Variants in NCOA7 observed in about 807,000 individuals in gnomAD.
NCOA7 encodes the protein 140 kDa estrogen receptor-associated protein.
A neutral mutation model predicts 104.3 loss-of-function variants in NCOA7; 45 were observed. That is an observed-to-expected ratio of 0.43 (90% CI 0.34 to 0.55). The LOEUF (loss-of-function observed/expected upper bound fraction) is 0.55, where lower values mean the gene tolerates loss of function less well. NCOA7 is among the 20% of genes least tolerant of loss of function. The pLI, the probability that NCOA7 is intolerant of heterozygous loss-of-function variation, is 0.02. For missense variants in NCOA7, 1,041 were observed against 1,119.7 expected, an observed-to-expected ratio of 0.93 and a Z score of 1.00; for synonymous variants, 398 against 402.3, an observed-to-expected ratio of 0.99 and a Z score of 0.13.
intron 2 of NCOA7, among the ~76,000 whole-genome samples, chr6:125,822,402 A>G (rs1237566093): frequency 1.3e-5 from 2 of 152,212 alleles, no homozygotes; most frequent in Admixed American, 1.3e-4. Context: ...TTATGAAGTA[A>G]TTTCACAAGC....
chr6:125,863,563 T>C (rs1170747317), intron 3 of NCOA7, among the ~76,000 whole-genome samples: 3 of 138,520 alleles, frequency 2.2e-5, no homozygotes, highest in African/African-American at 9.0e-5. Context: ...TCAGGGGTTT[T>C]AAGCTTTGAA....
In NCOA7 at chr6:125,870,122, G is replaced by A. The variant is rs116316516; in HGVS notation, c.272-4767G>A. 1.8e-3 allele frequency among the ~76,000 whole-genome samples: 273 copies of A among 152,088 alleles called. 1 individual carries two copies. The highest frequency in any genetic ancestry group is 5.2e-3 in the African/African-American group (217 of 41,486). On this transcript the variant is annotated intron_variant, in intron 3 of 15. Coordinates refer to ENST00000392477, the MANE Select transcript of NCOA7 (RefSeq NM_181782.5). ...TACTTCTTATGTGGCCTGTTACCCCGGTGTTGAGACCCCCACCCCAGAGTA... is the reference window on the plus strand; with the variant it reads ...TACTTCTTATGTGGCCTGTTACCCCAGTGTTGAGACCCCCACCCCAGAGTA...
In NCOA7 at chr6:125,889,811, G is replaced by A; in HGVS notation, c.1757G>A (p.Gly586Glu). ...KEPDKTWVKK[G>E]EPLPVKLNSS... The stretch of plus-strand genomic sequence containing the variant: ...CCAGATAAGACCTGGGTGAAAAAGG[G>A]AGAGCCCCTCCCGGTAAAACTGAAC... Residue 586 changes from glycine to glutamate, a missense_variant, in exon 9 of 16, where the codon GGA becomes GAA. Physicochemically the swap from Gly to Glu is moderately conservative, Grantham distance 98. This residue lies in a region of NCOA7 where 914 missense variants were observed against 942.7 expected (regional missense o/e 0.97). Coordinates refer to ENST00000392477, the MANE Select transcript of NCOA7 (RefSeq NM_181782.5). The A allele has an allele frequency of 6.2e-7, 1 of 1,613,048 alleles. No homozygotes were observed. Among genetic ancestry groups the A allele is most frequent in the Non-Finnish European group, 8.5e-7 (1 of 1,179,678 alleles).
At chr6:125,910,408 TCTCAA>T (rs1266948364) in intron 10 of NCOA7, among the ~76,000 whole-genome samples, 6 of 152,232 alleles carry the variant, frequency 3.9e-5, no homozygotes, top group African/African-American at 1.4e-4. Flanking sequence ...CATAGTTCAT[TCTCAA>T]CTCTATTTCA....
At chr6:125,867,999 A>G (rs1048442090) in intron 3 of NCOA7, among the ~76,000 whole-genome samples, 11 of 152,186 alleles carry the variant, frequency 7.2e-5, no homozygotes, top group Non-Finnish European at 1.6e-4. Flanking sequence ...TCCTATGAAG[A>G]AATTCCTTTT....
chr6:125,787,076 T>C (rs527816054), upstream of NCOA7, among the ~76,000 whole-genome samples: 1 of 150,784 alleles, frequency 6.6e-6, no homozygotes, highest in South Asian at 2.1e-4. Context: ...GAGCTGGGAG[T>C]TGGAGGTTGC....
chr6:125,800,018 C>T (rs900759026), intron 1 of NCOA7, among the ~76,000 whole-genome samples: 8 of 152,180 alleles, frequency 5.3e-5, no homozygotes, highest in African/African-American at 1.7e-4. Flanking sequence ...TCATTTCTAA[C>T]ATCTGAAACT....
At chr6:125,925,285 T>C (rs982156367) in intron 13 of NCOA7, among the ~76,000 whole-genome samples, 1 of 152,166 alleles carries the variant, frequency 6.6e-6, no homozygotes, top group Non-Finnish European at 1.5e-5. Flanking sequence ...AGAATTTTGG[T>C]GTTAAGAAGA....
At chr6:125,923,689 T>C (rs2128699674) in intron 13 of NCOA7, among the ~76,000 whole-genome samples, 2 of 152,374 alleles carry the variant, frequency 1.3e-5, no homozygotes, top group East Asian at 3.9e-4. Context: ...CATTCATTCA[T>C]TTATTCATCC....
chr6:125,816,510 C>T (rs1777604221), intron 2 of NCOA7, among the ~76,000 whole-genome samples: 1 of 152,076 alleles, frequency 6.6e-6, no homozygotes, highest in African/African-American at 2.4e-5. Flanking sequence ...TTTGGGGAAG[C>T]ACAAGTTAAA....
intron 3 of NCOA7, among the ~76,000 whole-genome samples, chr6:125,864,911 T>A (rs1782321899): frequency 7.2e-6 from 1 of 138,396 alleles, no homozygotes. Context: ...GCACAATTAT[T>A]GTCCTTGATC....
chr6:125,902,362 A>G (rs1214080949), intron 10 of NCOA7, among the ~76,000 whole-genome samples: 1 of 152,306 alleles, frequency 6.6e-6, no homozygotes, highest in East Asian at 1.9e-4. Flanking sequence ...TCATTTTGGA[A>G]GCTCAGAGAG....
intron 6 of NCOA7, among the ~76,000 whole-genome samples, chr6:125,881,960 TCTCCTGCCTCAGC>T (rs1320193534): frequency 1.3e-5 from 2 of 152,140 alleles, no homozygotes; most frequent in Non-Finnish European, 2.9e-5. Flanking sequence ...TTCAAGCGAT[TCTCCTGCCTCAGC>T]CTCCTAAGTA....
At chr6:125,859,035 T>A (rs1045057172) in intron 3 of NCOA7, among the ~76,000 whole-genome samples, 8 of 152,126 alleles carry the variant, frequency 5.3e-5, no homozygotes, top group Non-Finnish European at 1.0e-4. Context: ...TTGTAGTCAG[T>A]GGAGAGCCAT....
chr6:125,846,385 A>C (rs993320179), intron 2 of NCOA7, among the ~76,000 whole-genome samples: 2 of 151,700 alleles, frequency 1.3e-5, no homozygotes, highest in Non-Finnish European at 2.9e-5. Flanking sequence ...TTTTTAATCA[A>C]AACAACTTTA....
intron 2 of NCOA7, among the ~76,000 whole-genome samples, chr6:125,843,747 G>A (rs1364695761): frequency 6.6e-6 from 1 of 151,990 alleles, no homozygotes; most frequent in Non-Finnish European, 1.5e-5. Context: ...TTATAGATGA[G>A]ATATATATTA....
rs1182833799 is a variant in NCOA7 at position 125,922,848 on chromosome 6, C to G, written c.2523+14C>G. The G allele has an allele frequency of 6.2e-7, 1 of 1,610,284 alleles. No homozygotes were observed. The highest frequency in any genetic ancestry group is 8.5e-7 in the Non-Finnish European group (1 of 1,178,012). ...ATGGATAATCAGGTGAGGCCTGTCCCTCTCATAAAGAATATTTTTTAATAA... is the reference window on the plus strand; with the variant it reads ...ATGGATAATCAGGTGAGGCCTGTCCGTCTCATAAAGAATATTTTTTAATAA... On this transcript the variant is annotated intron_variant, in intron 13 of 15. Transcript: ENST00000392477.
At chr6:125,830,573 C>G (rs922663073) in intron 2 of NCOA7, among the ~76,000 whole-genome samples, 1 of 151,844 alleles carries the variant, frequency 6.6e-6, no homozygotes, top group South Asian at 2.1e-4. Context: ...GCCTGTAGTC[C>G]CAGTTACTGG....
At chr6:125,822,566 G>A (rs1778284900) in intron 2 of NCOA7, among the ~76,000 whole-genome samples, 1 of 152,182 alleles carries the variant, frequency 6.6e-6, no homozygotes, top group African/African-American at 2.4e-5. Context: ...GTATCTCTGA[G>A]TGTTATTCTT....
Sources: allele counts gnomAD v4.1 joint callset (sites outside exome capture counted in the v4.1 genomes callset), GRCh38; gene constraint gnomAD v4.1.1; regional missense constraint gnomAD v4.1.1; transcripts MANE v1.5; gene names NCBI Gene and HGNC (gene_info 2026-07-23, HGNC 2026-07-21).